CECR2: variants seen among roughly 807,000 people sequenced by gnomAD.
CECR2 encodes chromatin remodeling regulator CECR2.
CECR2 carries 30 observed loss-of-function variants against 154.5 expected under a neutral mutation model. That is an observed-to-expected ratio of 0.19 (90% CI 0.15 to 0.26). The LOEUF (loss-of-function observed/expected upper bound fraction) is 0.26. Ranked by LOEUF, CECR2 falls within the 10% of genes least tolerant of loss-of-function variation. CECR2 has a pLI of 1.00. For missense variants in CECR2, 1,743 were observed against 1,829.3 expected (o/e 0.95, Z 0.86); for synonymous variants, 725 against 683.7 (o/e 1.06, Z -0.94).
chr22:17,539,799 G>A (rs1040744429), intron 13 of CECR2, among the ~76,000 whole-genome samples: 2 of 152,110 alleles, frequency 1.3e-5, no homozygotes, highest in Middle Eastern at 3.4e-3. Context: ...CTGCAGTTTA[G>A]CCTTAAAGAA....
chr22:17,479,277 C>G (rs2055264159), intron 2 of CECR2, among the ~76,000 whole-genome samples: 1 of 152,160 alleles, frequency 6.6e-6, no homozygotes, highest in Non-Finnish European at 1.5e-5. Flanking sequence ...CTTAAATGAT[C>G]AGTGCGTGAG....
At chr22:17,533,096 T>G (rs1458325358) in intron 9 of CECR2, among the ~76,000 whole-genome samples, 1 of 151,490 alleles carries the variant, frequency 6.6e-6, no homozygotes, top group Non-Finnish European at 1.5e-5. Context: ...GGCGGGCAGA[T>G]CACGAGGTCA....
chr22:17,486,525 C>T (rs882613), intron 2 of CECR2, among the ~76,000 whole-genome samples: 27,747 of 152,144 alleles, frequency 0.18, 3,072 homozygotes, highest in Non-Finnish European at 0.25. Flanking sequence ...TTGGATGAAG[C>T]GTCAGCCACT....
At chr22:17,519,625 TTA>T (rs1444354000) in intron 8 of CECR2, among the ~76,000 whole-genome samples, 1 of 152,172 alleles carries the variant, frequency 6.6e-6, no homozygotes, top group African/African-American at 2.4e-5. Context: ...GGGAGCACTG[TTA>T]ACTGATTGTG....
Position 17,555,215 on chromosome 22 carries a change from T to C in CECR2, c.*2375T>C, listed in dbSNP as rs2056759913. On this transcript the variant is annotated 3_prime_UTR_variant, in exon 19 of 19. Coordinates refer to ENST00000262608, the MANE Select transcript of CECR2 (RefSeq NM_001290047.2). ...CCCCAATCAGCTGTTGCTAGAGCGA[T>C]GCTGTGAACGATACAGGAAAAGTCA... is the stretch of plus-strand genomic sequence containing the variant. 6.6e-6 allele frequency: 1 copy of C among 152,288 alleles called. No homozygotes were observed. The highest frequency in any genetic ancestry group is 2.4e-5 in the African/African-American group (1 of 41,464). 9.4% of individuals were successfully genotyped at this position (152,288 alleles called of 1,614,324 possible).
chr22:17,528,801 GC>G (rs1189196508), intron 9 of CECR2, among the ~76,000 whole-genome samples: 10 of 152,210 alleles, frequency 6.6e-5, no homozygotes, highest in Non-Finnish European at 1.3e-4. Context: ...CTCCCAAAGT[GC>G]TGGGAATACA....
chr22:17,396,236 C>CT (rs1370443568), intron 1 of CECR2, among the ~76,000 whole-genome samples: 2 of 131,012 alleles, frequency 1.5e-5, no homozygotes, highest in Admixed American at 1.6e-4. Context: ...GAGTGAGACC[C>CT]TTTCTCAAAA....
intron 1 of CECR2, among the ~76,000 whole-genome samples, chr22:17,455,250 A>T (rs1429043130): frequency 6.6e-6 from 1 of 152,246 alleles, no homozygotes; most frequent in Non-Finnish European, 1.5e-5. Flanking sequence ...AACATAAAGT[A>T]CATTGATTTC....
Position 17,500,744 on chromosome 22 carries a change from A to C in CECR2, c.650+9A>C. The C allele has an allele frequency of 6.5e-7, 1 of 1,530,462 alleles. No homozygotes were observed. Among genetic ancestry groups the C allele is most frequent in the African/African-American group, 1.4e-5 (1 of 72,254 alleles). The allele number at this position is 1,530,462 out of a possible 1,614,324, so 94.8% of individuals were successfully genotyped here. ...GAGGAGATTCTGTTGAGGTAAGAAA[A>C]TCTTGTTAGTTGTGGTCATAGACCA... On this transcript the variant is annotated intron_variant, in intron 5 of 18. Transcript: ENST00000262608.
chr22:17,437,177 C>T (rs948267732), intron 1 of CECR2, among the ~76,000 whole-genome samples: 6 of 152,102 alleles, frequency 3.9e-5, no homozygotes, highest in Admixed American at 6.6e-5. Context: ...CCCCTGTCTG[C>T]GGTTCTGCCT....
At chr22:17,501,129 A>T (rs1440934156) in intron 5 of CECR2, among the ~76,000 whole-genome samples, 2 of 152,154 alleles carry the variant, frequency 1.3e-5, no homozygotes, top group African/African-American at 4.8e-5. Flanking sequence ...TCAAAATCTG[A>T]CCTATGCTGT....
chr22:17,536,819 A>G (rs174335), intron 9 of CECR2, among the ~76,000 whole-genome samples: 102,966 of 151,780 alleles, frequency 0.68, 35,267 homozygotes, highest in African/African-American at 0.77. Context: ...CTTCTGCCTT[A>G]CTCCCTCCCC....
chr22:17,489,816 C>G (rs1423001143), intron 2 of CECR2, among the ~76,000 whole-genome samples: 1 of 151,060 alleles, frequency 6.6e-6, no homozygotes, highest in African/African-American at 2.4e-5. Context: ...TTTCTTTACT[C>G]TTTGCTTTTT....
At chr22:17,545,892 G>T (rs2056606918) in intron 16 of CECR2, among the ~76,000 whole-genome samples, 1 of 151,120 alleles carries the variant, frequency 6.6e-6, no homozygotes, top group Non-Finnish European at 1.5e-5. Context: ...TGATGGTAGG[G>T]TTAGAACTCA....
At chr22:17,407,774 A>T (rs1031013746) in intron 1 of CECR2, among the ~76,000 whole-genome samples, 1 of 152,154 alleles carries the variant, frequency 6.6e-6, no homozygotes, top group Non-Finnish European at 1.5e-5. Flanking sequence ...GCCACAACTC[A>T]GGGGAAGAGG....
intron 1 of CECR2, among the ~76,000 whole-genome samples, chr22:17,380,270 C>T (rs546340954): frequency 2.2e-4 from 33 of 152,292 alleles, no homozygotes; most frequent in African/African-American, 7.7e-4. Flanking sequence ...CTGAATAATT[C>T]TCTCATGTGT....
intron 9 of CECR2, among the ~76,000 whole-genome samples, chr22:17,529,272 G>A (rs1370101694): frequency 1.3e-5 from 2 of 152,136 alleles, no homozygotes; most frequent in Non-Finnish European, 2.9e-5. Flanking sequence ...GCAAGCACAG[G>A]AAGGCTGGCT....
chr22:17,538,366 A>G (rs550011639), intron 10 of CECR2, among the ~76,000 whole-genome samples, 154 bp from the exon 11 acceptor site: 1 of 152,332 alleles, frequency 6.6e-6, no homozygotes, highest in East Asian at 1.9e-4. Flanking sequence ...TTGTATTTCC[A>G]GGGAGTGTTA....
Position 17,382,091 on chromosome 22 carries a change from C to T in CECR2, c.126+12182C>T, listed in dbSNP as rs373513835. Among the ~76,000 whole-genome samples, 112 of 151,306 alleles carry T rather than the reference C, an allele frequency of 7.4e-4. 1 individual carries two copies. The highest frequency in any genetic ancestry group is 1.9e-3 in the Admixed American group (29 of 15,198). Reference sequence around the variant, plus strand: ...TTTTTTAGTAGGGACGAGGTTTCGCCGTGTTAGCCAGGATGGTCTTGATCT... The same window carrying T: ...TTTTTTAGTAGGGACGAGGTTTCGCTGTGTTAGCCAGGATGGTCTTGATCT... On this transcript the variant is annotated intron_variant, in intron 1 of 18. Transcript: ENST00000262608.
Sources: allele counts gnomAD v4.1 joint callset (sites outside exome capture counted in the v4.1 genomes callset), GRCh38; gene constraint gnomAD v4.1.1; transcripts MANE v1.5; gene names NCBI Gene and HGNC (gene_info 2026-07-23, HGNC 2026-07-21).